The following CADPS variants were observed in gnomAD, a reference collection of about 807,000 sequenced individuals.
CADPS encodes calcium-dependent secretion activator 1.
A neutral mutation model predicts 167.3 loss-of-function variants in CADPS; 57 were observed. The observed-to-expected ratio is 0.34, with a 90% CI of 0.28 to 0.42. CADPS has a LOEUF of 0.42. Among genes scored for constraint, CADPS ranks in the 20% least tolerant of loss-of-function variants. CADPS has a pLI of 1.00. For synonymous variants in CADPS, 676 were observed against 635.3 expected, an observed-to-expected ratio of 1.06 and a Z score of -0.96; for missense variants, 1,414 against 1,738.1, an observed-to-expected ratio of 0.81 and a Z score of 3.32.
intron 16 of CADPS, among the ~76,000 whole-genome samples, chr3:62,513,894 C>T (rs937260752): frequency 5.3e-5 from 8 of 151,872 alleles, no homozygotes; most frequent in African/African-American, 1.5e-4. Flanking sequence ...TTCAGCATGC[C>T]GTGAGTCACG....
intron 1 of CADPS, among the ~76,000 whole-genome samples, chr3:62,793,971 T>C (rs562030): frequency 0.15 from 22,870 of 152,032 alleles, 3,571 homozygotes; most frequent in African/African-American, 0.39. Context: ...AAACTAAAGA[T>C]CCTTGGGCTT....
intron 28 of CADPS, among the ~76,000 whole-genome samples, chr3:62,435,215 G>C (rs973436097): frequency 1.3e-5 from 2 of 152,144 alleles, no homozygotes; most frequent in Non-Finnish European, 2.9e-5. Flanking sequence ...TAAGGAATGG[G>C]ATTTAAAGAA....
intron 6 of CADPS, among the ~76,000 whole-genome samples, chr3:62,617,521 C>T (rs890039464): frequency 6.6e-6 from 1 of 152,114 alleles, no homozygotes; most frequent in Non-Finnish European, 1.5e-5. Context: ...TTAGTGTGGA[C>T]ATGGTTCCCA....
chr3:62,445,700 A>G, intron 27 of CADPS, 65 bp downstream of exon 27: 2 of 1,259,982 alleles, frequency 1.6e-6, no homozygotes, highest in Non-Finnish European at 2.2e-6. Flanking sequence ...CATGAAAACA[A>G]AAAGTAAAAA....
chr3:62,803,905 C>A (rs3921474), intron 1 of CADPS, among the ~76,000 whole-genome samples: 96,557 of 151,694 alleles, frequency 0.64, 34,080 homozygotes, highest in East Asian at 0.88. Context: ...CCACTTTTCC[C>A]TCCGTGGGGC....
At chr3:62,453,662 CA>C (rs1224584593) in intron 26 of CADPS, among the ~76,000 whole-genome samples, 1 of 152,312 alleles carries the variant, frequency 6.6e-6, no homozygotes, top group East Asian at 1.9e-4. Flanking sequence ...AGCAGTTGAG[CA>C]AACCTCAGTG....
intron 6 of CADPS, among the ~76,000 whole-genome samples, chr3:62,595,357 T>C (rs923402576): frequency 6.6e-6 from 1 of 151,910 alleles, no homozygotes; most frequent in Non-Finnish European, 1.5e-5. Context: ...GACCCCGAGA[T>C]AGGGAAATCT....
chr3:62,667,115 T>G (rs1156570177), intron 3 of CADPS, among the ~76,000 whole-genome samples: 4 of 150,466 alleles, frequency 2.7e-5, no homozygotes, highest in Non-Finnish European at 5.9e-5. Context: ...CTCAGTTTCC[T>G]TATCTGTAAA....
In CADPS at chr3:62,466,402, A is replaced by G; in HGVS notation, c.3489T>C (p.His1163=). Residue 1163 remains histidine, a synonymous_variant, in exon 25 of 30, where the codon CAT becomes CAC. Coordinates refer to ENST00000383710, the MANE Select transcript of CADPS (RefSeq NM_003716.4). ...SMEMGQEHQY[H]SKIDELIEET... ...CTTCAATTAGTTCGTCTATTTTTGAATGGTATTGATGCTAAGAACACAGAA... is the reference window on the plus strand; with the variant it reads ...CTTCAATTAGTTCGTCTATTTTTGAGTGGTATTGATGCTAAGAACACAGAA... 1 of 1,604,398 alleles carries G rather than the reference A, an allele frequency of 6.2e-7. No individual in the cohort carries two copies.
At chr3:62,571,843 C>G (rs947283685) in intron 8 of CADPS, among the ~76,000 whole-genome samples, 1 of 152,226 alleles carries the variant, frequency 6.6e-6, no homozygotes, top group African/African-American at 2.4e-5. Context: ...GGATTACAGG[C>G]GTGAGCCACC....
At chr3:62,510,477 G>A (rs1260339343) in intron 17 of CADPS, among the ~76,000 whole-genome samples, 2 of 152,260 alleles carry the variant, frequency 1.3e-5, no homozygotes, top group South Asian at 4.1e-4. Flanking sequence ...ACATGGAAAT[G>A]TATTTAAAAT....
intron 1 of CADPS, among the ~76,000 whole-genome samples, chr3:62,791,844 A>G (rs304215): frequency 0.75 from 113,897 of 152,200 alleles, 42,881 homozygotes; most frequent in East Asian, 0.95. Flanking sequence ...CTTTAAACAG[A>G]AACAGTTTGT....
intron 24 of CADPS, among the ~76,000 whole-genome samples, chr3:62,467,561 T>C (rs1158202466): frequency 6.6e-6 from 1 of 152,160 alleles, no homozygotes; most frequent in African/African-American, 2.4e-5. Context: ...TGTTTGTAAT[T>C]GGAAGACCTG....
chr3:62,532,706 G>A (rs924736291), intron 13 of CADPS, among the ~76,000 whole-genome samples, 165 bp downstream of exon 13: 1 of 133,044 alleles, frequency 7.5e-6, no homozygotes, highest in Non-Finnish European at 1.6e-5. Flanking sequence ...GGAGAAGAAA[G>A]TTAGTGCCCT....
chr3:62,791,288 T>A (rs1386922078), intron 1 of CADPS, among the ~76,000 whole-genome samples: 1 of 152,208 alleles, frequency 6.6e-6, no homozygotes, highest in Non-Finnish European at 1.5e-5. Context: ...TAGTTAGTGC[T>A]TGCAATATGA....
intron 6 of CADPS, among the ~76,000 whole-genome samples, chr3:62,619,409 T>C (rs1374121318): frequency 6.6e-6 from 1 of 152,210 alleles, no homozygotes; most frequent in Non-Finnish European, 1.5e-5. Flanking sequence ...CGTGCTGCAT[T>C]CTACCCCATA....
intron 6 of CADPS, among the ~76,000 whole-genome samples, chr3:62,600,740 C>T (rs1346529209): frequency 1.3e-5 from 2 of 152,152 alleles, no homozygotes; most frequent in African/African-American, 4.8e-5. Flanking sequence ...GGGGAGATGC[C>T]CCGTGCAGAA....
intron 1 of CADPS, among the ~76,000 whole-genome samples, chr3:62,813,144 C>A (rs1166234056): frequency 6.6e-6 from 1 of 151,732 alleles, no homozygotes; most frequent in Non-Finnish European, 1.5e-5. Flanking sequence ...CAAAAAAGGG[C>A]CCAAATAGCC....
At chr3:62,870,832 T>C (rs992654477) in intron 1 of CADPS, among the ~76,000 whole-genome samples, 1 of 152,152 alleles carries the variant, frequency 6.6e-6, no homozygotes, top group African/African-American at 2.4e-5. Flanking sequence ...TCACACAAGG[T>C]AGCCACCCAT....
Sources: gnomAD v4.1 joint callset for allele counts (sites outside exome capture counted in the v4.1 genomes callset) on GRCh38, gnomAD v4.1.1 for gene constraint, MANE v1.5 for transcripts, NCBI Gene and HGNC (gene_info 2026-07-23, HGNC 2026-07-21) for gene names.